COL22A1: variants seen among roughly 807,000 people sequenced by gnomAD.
COL22A1 encodes the protein collagen type XXII alpha 1 chain, also known as collagen alpha-1(XXII) chain.
Under a neutral mutation model 248.9 loss-of-function variants are expected in COL22A1, and 221 were observed. The observed-to-expected ratio is 0.89, with a 90% CI of 0.80 to 0.99. COL22A1 has a LOEUF of 0.99. Among genes scored for constraint, COL22A1 ranks in the 50% least tolerant of loss-of-function variants. The probability of loss-of-function intolerance (pLI) is 0.00; values close to 1 mark genes in which losing one functional copy is unlikely to be tolerated. For synonymous variants in COL22A1, 891 were observed against 793.4 expected (o/e 1.12, Z -2.07); for missense variants, 2,240 against 2,179.0 (o/e 1.03, Z -0.56).
intron 4 of COL22A1, among the ~76,000 whole-genome samples, chr8:138,837,296 AG>A (rs1820512021): frequency 2.0e-5 from 3 of 152,206 alleles, no homozygotes; most frequent in Admixed American, 2.0e-4. Context: ...GACTGGGAGC[AG>A]CCGCCACACC....
intron 1 of COL22A1, among the ~76,000 whole-genome samples, chr8:138,887,003 C>T (rs1007668548): frequency 2.0e-5 from 3 of 152,160 alleles, no homozygotes; most frequent in Admixed American, 1.3e-4. Context: ...GAAATAGCCA[C>T]ATCATGGGGA....
chr8:138,625,470 G>A (rs564967235), intron 51 of COL22A1, among the ~76,000 whole-genome samples: 5 of 152,296 alleles, frequency 3.3e-5, no homozygotes, highest in Admixed American at 2.6e-4. Context: ...GCAGTGCATG[G>A]CCTTTGTGGA....
intron 3 of COL22A1, 150 bp downstream of exon 3, chr8:138,877,599 GA>G: frequency 1.4e-6 from 1 of 738,614 alleles, no homozygotes; most frequent in Non-Finnish European, 2.1e-6. Flanking sequence ...CCAAACCCAA[GA>G]ATGTGGGTCC....
chr8:138,846,424 A>G lies in COL22A1; in HGVS notation c.659-2266T>C, dbSNP rs183369868. ...CAAGGGGAGGACCACGCACACAGAAATGATGGAGATTCTACTCAAAGATAG... is the reference window on the plus strand; with the variant it reads ...CAAGGGGAGGACCACGCACACAGAAGTGATGGAGATTCTACTCAAAGATAG... On this transcript the variant is annotated intron_variant, in intron 3 of 64. Coordinates refer to ENST00000303045, the MANE Select transcript of COL22A1 (RefSeq NM_152888.3). Among the ~76,000 whole-genome samples the G allele has an allele frequency of 5.9e-5, 9 of 152,320 alleles. No individual in the cohort carries two copies. In the East Asian group the frequency reaches 1.5e-3, roughly 26 times the overall value.
intron 30 of COL22A1, among the ~76,000 whole-genome samples, chr8:138,703,659 G>A (rs899540084): frequency 1.3e-5 from 2 of 152,134 alleles, no homozygotes; most frequent in African/African-American, 4.8e-5. Flanking sequence ...AAAGTGAAGG[G>A]GGATCCAAGG....
chr8:138,645,485 C>G (rs975528729), intron 47 of COL22A1, among the ~76,000 whole-genome samples: 17 of 152,158 alleles, frequency 1.1e-4, no homozygotes, highest in Non-Finnish European at 2.1e-4. Flanking sequence ...CTGTGTGTCT[C>G]TTGTTTAAAT....
At chr8:138,816,559 C>T (rs1818704000) in intron 7 of COL22A1, among the ~76,000 whole-genome samples, 1 of 152,226 alleles carries the variant, frequency 6.6e-6, no homozygotes, top group Non-Finnish European at 1.5e-5. Context: ...GCACAGACAG[C>T]TGGAAGGCTG....
At chr8:138,776,141 C>T (rs1035947937) in intron 15 of COL22A1, 131 bp from the exon 16 acceptor site, 13 of 827,620 alleles carry the variant, frequency 1.6e-5, no homozygotes, top group Admixed American at 4.0e-5. Context: ...TAGTGAGGAC[C>T]CTGTCTCCCT....
intron 52 of COL22A1, among the ~76,000 whole-genome samples, chr8:138,622,908 G>A (rs58651618): frequency 0.059 from 8,929 of 151,850 alleles, 278 homozygotes; most frequent in African/African-American, 0.088. Flanking sequence ...CACTGATGCC[G>A]TCCTCCATCT....
chr8:138,664,194 T>C (rs1252499285), intron 41 of COL22A1, among the ~76,000 whole-genome samples: 168 of 85,370 alleles, frequency 2.0e-3, no homozygotes, highest in African/African-American at 6.1e-3. Context: ...CAACAAGGGG[T>C]GCGCGCGCGC....
chr8:138,806,089 G>GGTGTGTGATGGTGTGTTT (rs1817662257), intron 10 of COL22A1, among the ~76,000 whole-genome samples: 177 of 6,392 alleles, frequency 0.028, 23 homozygotes, highest in African/African-American at 0.055. Flanking sequence ...TGTGTGTAAT[G>GGTGTGTGATGGTGTGTTT]GTGTGTGATG....
At chr8:138,644,299 A>G (rs1822004969) in intron 47 of COL22A1, among the ~76,000 whole-genome samples, 1 of 152,174 alleles carries the variant, frequency 6.6e-6, no homozygotes, top group African/African-American at 2.4e-5. Flanking sequence ...TTTATAAAAT[A>G]TTGCATTAAA....
chr8:138,697,377 T>C (rs1425658545), intron 32 of COL22A1, among the ~76,000 whole-genome samples: 1 of 152,162 alleles, frequency 6.6e-6, no homozygotes, highest in Non-Finnish European at 1.5e-5. Context: ...AGAGCCTTCC[T>C]AAGATAACTG....
chr8:138,788,685 G>A (rs16909630), intron 12 of COL22A1, among the ~76,000 whole-genome samples: 3,856 of 152,176 alleles, frequency 0.025, 109 homozygotes, highest in African/African-American at 0.067. Flanking sequence ...GCTGCTGGTC[G>A]CCTCTGGGAA....
chr8:138,627,719 C>T (rs1820361219), intron 50 of COL22A1, among the ~76,000 whole-genome samples: 1 of 152,188 alleles, frequency 6.6e-6, no homozygotes, highest in African/African-American at 2.4e-5. Flanking sequence ...CACAACACTA[C>T]AATACACCCT....
At chr8:138,816,586 G>C (rs1460887619) in intron 7 of COL22A1, among the ~76,000 whole-genome samples, 2 of 152,220 alleles carry the variant, frequency 1.3e-5, no homozygotes, top group Non-Finnish European at 2.9e-5. Context: ...GCACGGCCCA[G>C]TCTGAGCCTC....
At chr8:138,638,330 G>T (rs1213781277) in intron 47 of COL22A1, among the ~76,000 whole-genome samples, 1 of 152,134 alleles carries the variant, frequency 6.6e-6, no homozygotes, top group Non-Finnish European at 1.5e-5. Context: ...TTCTATGCCT[G>T]TCATCCCTTA....
At chr8:138,716,951 T>C (rs951031380) in intron 27 of COL22A1, 82 bp from the exon 28 acceptor site, 3 of 1,030,282 alleles carry the variant, frequency 2.9e-6, no homozygotes, top group South Asian at 1.3e-5. Flanking sequence ...TCCTCACACA[T>C]TCATAGCACC....
At chr8:138,703,411 C>T in intron 30 of COL22A1, 64 bp from the exon 31 acceptor site, 2 of 1,441,632 alleles carry the variant, frequency 1.4e-6, no homozygotes, top group Non-Finnish European at 2.0e-6. Flanking sequence ...TATGCTGCAA[C>T]AGATCAGCTA....
Sources: gnomAD v4.1 joint callset for allele counts (sites outside exome capture counted in the v4.1 genomes callset) on GRCh38, gnomAD v4.1.1 for gene constraint, MANE v1.5 for transcripts, NCBI Gene and HGNC (gene_info 2026-07-23, HGNC 2026-07-21) for gene names.